RTL4: variants seen among roughly 807,000 people sequenced by gnomAD.
RTL4 encodes retrotransposon Gag-like protein 4.
RTL4 carries 4 observed loss-of-function variants against 5.3 expected under a neutral mutation model. The ratio of observed to expected loss-of-function variants is 0.75; its 90% CI spans 0.37 to 1.72. The LOEUF (loss-of-function observed/expected upper bound fraction) is 1.72, where lower values mean the gene tolerates loss of function less well. Ranked by LOEUF, RTL4 falls within the 40% of genes most tolerant of loss-of-function variation. RTL4 has a pLI of 0.04. For missense variants in RTL4, 260 were observed against 227.1 expected (o/e 1.14, Z -0.93); for synonymous variants, 98 against 87.3 (o/e 1.12, Z -0.68).
At chrX:112,414,973 A>G in the RTL4 span, among the ~76,000 whole-genome samples, 6 of 111,736 alleles carry the variant, frequency 5.4e-5, no homozygotes, top group Non-Finnish European at 9.4e-5. Flanking sequence ...TAGCTATTAT[A>G]TACATCATTA....
the RTL4 span, among the ~76,000 whole-genome samples, chrX:112,093,805 T>C: frequency 5.4e-5 from 6 of 112,080 alleles, no homozygotes; most frequent in African/African-American, 1.9e-4. Flanking sequence ...TGGGATGATA[T>C]TCCAGACAAA....
At chrX:112,406,626 G>A in the RTL4 span, among the ~76,000 whole-genome samples, 21 of 111,033 alleles carry the variant, frequency 1.9e-4, no homozygotes, top group Non-Finnish European at 3.4e-4. Context: ...CTATATCAGA[G>A]CCAGAGAACT....
the RTL4 span, among the ~76,000 whole-genome samples, chrX:112,267,891 A>G: frequency 1.8e-5 from 2 of 111,399 alleles, no homozygotes; most frequent in Non-Finnish European, 3.8e-5. Context: ...TTTTATTGCC[A>G]TGACTCTGGT....
the RTL4 span, among the ~76,000 whole-genome samples, chrX:112,095,184 T>C: frequency 1.8e-5 from 2 of 111,559 alleles, no homozygotes; most frequent in Non-Finnish European, 3.8e-5. Flanking sequence ...TGGATTCAGA[T>C]AAGTTTGTAG....
chrX:112,420,409 G>T, the RTL4 span, among the ~76,000 whole-genome samples: 1 of 111,384 alleles, frequency 9.0e-6, no homozygotes, highest in Non-Finnish European at 1.9e-5. Context: ...GGAGGGAGCT[G>T]AAAGAGGGGA....
chrX:112,335,846 T>G, the RTL4 span, among the ~76,000 whole-genome samples: 1 of 109,676 alleles, frequency 9.1e-6, no homozygotes, highest in Non-Finnish European at 1.9e-5. Context: ...TTATTACTAT[T>G]TATTTTATTT....
At chrX:112,174,445 T>C in the RTL4 span, among the ~76,000 whole-genome samples, 1 of 103,732 alleles carries the variant, frequency 9.6e-6, no homozygotes, top group Non-Finnish European at 2.0e-5. Context: ...TATTCCATGG[T>C]GTATATGTGC....
chrX:112,331,348 G>T, the RTL4 span, among the ~76,000 whole-genome samples: 1 of 105,503 alleles, frequency 9.5e-6, no homozygotes, highest in African/African-American at 3.4e-5. Flanking sequence ...GTGGGCAAAG[G>T]ACATGAACAG....
chrX:112,351,116 C>T, the RTL4 span, among the ~76,000 whole-genome samples: 1 of 111,315 alleles, frequency 9.0e-6, no homozygotes, highest in African/African-American at 3.3e-5. Context: ...ACCTTCATTT[C>T]GTTTTGTACC....
the RTL4 span, among the ~76,000 whole-genome samples, chrX:112,400,078 T>C: frequency 1.8e-5 from 2 of 111,379 alleles, no homozygotes; most frequent in African/African-American, 6.5e-5. Flanking sequence ...ATATTTATTG[T>C]TCTTAGGGTT....
At chrX:112,215,107 ATTAT>A in the RTL4 span, among the ~76,000 whole-genome samples, 1 of 111,372 alleles carries the variant, frequency 9.0e-6, no homozygotes, top group Non-Finnish European at 1.9e-5. Flanking sequence ...TTTTTAAAAG[ATTAT>A]TTATTTATTT....
chrX:112,326,318 G>C, the RTL4 span, among the ~76,000 whole-genome samples: 2 of 111,808 alleles, frequency 1.8e-5, no homozygotes, highest in East Asian at 5.6e-4. Context: ...AGCTGAAGCA[G>C]GGCAAGGCAT....
chrX:112,119,044 G>T, the RTL4 span, among the ~76,000 whole-genome samples: 1 of 101,214 alleles, frequency 9.9e-6, no homozygotes, highest in Admixed American at 1.1e-4. Context: ...TTTTAGTAGA[G>T]ACGGGGTTTC....
the RTL4 span, among the ~76,000 whole-genome samples, chrX:112,301,008 T>C: frequency 9.0e-6 from 1 of 111,266 alleles, no homozygotes; most frequent in Non-Finnish European, 1.9e-5. Context: ...CTGTGGAGTA[T>C]ATCAATGAGA....
At chrX:112,327,217 G>A in the RTL4 span, among the ~76,000 whole-genome samples, 2 of 111,929 alleles carry the variant, frequency 1.8e-5, no homozygotes, top group African/African-American at 6.5e-5. Flanking sequence ...CGAGCTATGG[G>A]AGGACATTCA....
chrX:112,100,636 GA>G, the RTL4 span, among the ~76,000 whole-genome samples: 1 of 111,435 alleles, frequency 9.0e-6, no homozygotes, highest in South Asian at 3.7e-4. Context: ...TTCTTCCATG[GA>G]AAAAAGAGTC....
the RTL4 span, among the ~76,000 whole-genome samples, chrX:112,176,470 C>T: frequency 1.9e-4 from 21 of 111,572 alleles, no homozygotes; most frequent in South Asian, 3.8e-4. Flanking sequence ...GGGTAGAAGC[C>T]ACATTCAGCA....
chrX:112,336,935 AT>A, the RTL4 span, among the ~76,000 whole-genome samples: 3 of 112,115 alleles, frequency 2.7e-5, no homozygotes, highest in Non-Finnish European at 5.6e-5. Flanking sequence ...ATAACATTTT[AT>A]TTATGGATTG....
At chrX:112,094,935 G>A in the RTL4 span, among the ~76,000 whole-genome samples, 2 of 111,539 alleles carry the variant, frequency 1.8e-5, no homozygotes, top group Non-Finnish European at 3.8e-5. Flanking sequence ...CAGAAAAGAG[G>A]AAGTGGAGAG....
Sources: gnomAD v4.1 joint callset for allele counts (sites outside exome capture counted in the v4.1 genomes callset) on GRCh38, gnomAD v4.1.1 for gene constraint, MANE v1.5 for transcripts, NCBI Gene and HGNC (gene_info 2026-07-23, HGNC 2026-07-21) for gene names.